PREX2: variants seen among roughly 807,000 people sequenced by gnomAD.
PREX2 encodes phosphatidylinositol-3,4,5-trisphosphate dependent Rac exchange factor 2.
Under a neutral mutation model 203.2 loss-of-function variants are expected in PREX2, and 107 were observed. The ratio of observed to expected loss-of-function variants is 0.53; its 90% CI spans 0.45 to 0.62. The LOEUF is 0.62. Ranked by LOEUF, PREX2 falls within the 20% of genes least tolerant of loss-of-function variation. PREX2 has a pLI of 0.00. For synonymous variants in PREX2, 672 were observed against 663.6 expected, an observed-to-expected ratio of 1.01 and a Z score of -0.19; for missense variants, 1,777 against 1,955.9, an observed-to-expected ratio of 0.91 and a Z score of 1.72.
intron 35 of PREX2, among the ~76,000 whole-genome samples, chr8:68,160,159 T>G (rs1321351624): frequency 2.0e-5 from 3 of 152,190 alleles, no homozygotes; most frequent in African/African-American, 7.2e-5. Flanking sequence ...AAGTTTTTTC[T>G]TAGTCCAATG....
intron 33 of PREX2, among the ~76,000 whole-genome samples, chr8:68,140,370 C>T (rs535495040): frequency 1.0e-3 from 159 of 152,110 alleles, no homozygotes; most frequent in African/African-American, 3.6e-3. Flanking sequence ...CTAAAAACAG[C>T]GAAGATAGGA....
At chr8:68,182,309 A>T (rs907421301) in intron 35 of PREX2, among the ~76,000 whole-genome samples, 1 of 152,102 alleles carries the variant, frequency 6.6e-6, no homozygotes, top group African/African-American at 2.4e-5. Flanking sequence ...TGCTATTGTC[A>T]TCACACTTAT....
At chr8:68,115,033 T>C (rs1339507751) in intron 25 of PREX2, among the ~76,000 whole-genome samples, 1 of 142,144 alleles carries the variant, frequency 7.0e-6, no homozygotes. Context: ...TTTTTTTTTT[T>C]TTTTTTTTTT....
At chr8:68,030,730 G>A (rs980704401) in intron 6 of PREX2, 72 bp downstream of exon 6, 58 of 1,433,166 alleles carry the variant, frequency 4.0e-5, no homozygotes, top group South Asian at 9.6e-5. Flanking sequence ...AATTACTGGC[G>A]TTGGATGGAA....
chr8:68,011,092 T>C (rs945433689), intron 1 of PREX2, among the ~76,000 whole-genome samples: 1 of 152,330 alleles, frequency 6.6e-6, no homozygotes, highest in African/African-American at 2.4e-5. Flanking sequence ...GCCAGAGCTA[T>C]CTCTAACAAA....
chr8:68,216,918 C>T (rs1483262772), intron 37 of PREX2, among the ~76,000 whole-genome samples: 1 of 148,462 alleles, frequency 6.7e-6, no homozygotes, highest in African/African-American at 2.5e-5. Flanking sequence ...GCTGAGGATG[C>T]GCCACTGCAC....
intron 1 of PREX2, among the ~76,000 whole-genome samples, chr8:67,970,008 C>A (rs558474983): frequency 1.3e-5 from 2 of 152,270 alleles, no homozygotes; most frequent in East Asian, 3.9e-4. Flanking sequence ...ATTCCTAGTA[C>A]CTTCCATATT....
rs959052600 is a variant in PREX2 at position 68,235,307 on chromosome 8, G to T, written c.*3929G>T. On this transcript the variant is annotated 3_prime_UTR_variant, in exon 40 of 40. Coordinates refer to ENST00000288368, the MANE Select transcript of PREX2 (RefSeq NM_024870.4). ...CGTTTTTAGACTTTATGCACTAGTGGTATTGAAACTAACCTTTAATATTTG... is the reference window on the plus strand; with the variant it reads ...CGTTTTTAGACTTTATGCACTAGTGTTATTGAAACTAACCTTTAATATTTG... 50 of 152,118 alleles carry T rather than the reference G, an allele frequency of 3.3e-4. No individual in the cohort carries two copies. The highest frequency in any genetic ancestry group is 3.4e-3 in the Middle Eastern group (1 of 294). 9.4% of individuals were successfully genotyped at this position (152,118 alleles called of 1,614,324 possible).
chr8:67,977,886 A>G (rs1239522545), intron 1 of PREX2, among the ~76,000 whole-genome samples: 3 of 152,272 alleles, frequency 2.0e-5, no homozygotes, highest in Middle Eastern at 3.4e-3. Flanking sequence ...AACCTGCCCT[A>G]TGCATCTCTT....
rs1259420497 is a variant in PREX2 at position 68,030,556 on chromosome 8, C to T, written c.603C>T (p.Leu201=). The change falls in exon 6 of 40, where the codon CTC becomes CTT. Residue 201 remains leucine (L), a synonymous_variant. Transcript: ENST00000288368. ...HSDYAAVMEA[L]QAMKAVCSNI... ...ACTATGCAGCAGTGATGGAAGCCCT[C>T]CAAGCCATGAAAGCTGTCTGTTCCA... The T allele has an allele frequency of 3.1e-6, 5 of 1,613,650 alleles. No individual in the cohort carries two copies. The highest frequency in any genetic ancestry group is 1.7e-5 in the Admixed American group (1 of 59,972).
chr8:68,049,379 C>A (rs1808454942), intron 8 of PREX2, among the ~76,000 whole-genome samples: 1 of 151,924 alleles, frequency 6.6e-6, no homozygotes, highest in Non-Finnish European at 1.5e-5. Context: ...GCAATTTCTT[C>A]TGTTTCTTAG....
intron 1 of PREX2, among the ~76,000 whole-genome samples, chr8:67,997,784 A>G (rs2129609648): frequency 6.6e-6 from 1 of 152,246 alleles, no homozygotes; most frequent in South Asian, 2.1e-4. Context: ...ATCTTAAAAT[A>G]TATATTGTCA....
At chr8:68,143,211 G>A (rs780458394) in intron 33 of PREX2, among the ~76,000 whole-genome samples, 10 of 152,068 alleles carry the variant, frequency 6.6e-5, no homozygotes, top group Non-Finnish European at 1.2e-4. Context: ...ATGGGGCCTG[G>A]TGGAGGTGAT....
intron 1 of PREX2, among the ~76,000 whole-genome samples, chr8:67,989,442 T>C (rs1356832322): frequency 6.6e-6 from 1 of 152,212 alleles, no homozygotes; most frequent in African/African-American, 2.4e-5. Flanking sequence ...ATACCATTTA[T>C]CTTCTCAACA....
intron 21 of PREX2, among the ~76,000 whole-genome samples, chr8:68,096,626 A>C (rs1332683696): frequency 6.6e-6 from 1 of 151,990 alleles, no homozygotes; most frequent in Non-Finnish European, 1.5e-5. Context: ...TTCTTTATGG[A>C]TTTTTTTCCT....
At chr8:68,134,012 A>G (rs1004465117) in intron 31 of PREX2, 47 bp from the exon 32 acceptor site, 10 of 1,490,070 alleles carry the variant, frequency 6.7e-6, no homozygotes, top group Non-Finnish European at 9.4e-6. Flanking sequence ...GGTTTTCACC[A>G]TCTGCAACAT....
intron 1 of PREX2, among the ~76,000 whole-genome samples, chr8:67,952,891 C>T (rs1300961192): frequency 6.6e-6 from 1 of 152,150 alleles, no homozygotes; most frequent in African/African-American, 2.4e-5. Context: ...ATTGATTTTC[C>T]TTCTTGTTCT....
chr8:68,161,740 G>A (rs964797974), intron 35 of PREX2, among the ~76,000 whole-genome samples: 4 of 150,846 alleles, frequency 2.7e-5, no homozygotes, highest in African/African-American at 9.7e-5. Context: ...TCTTTACATC[G>A]TATTTTCTTT....
rs945705995 is a variant in PREX2, at chr8:68,138,311, A to G, written c.3985-104A>G. On this transcript the variant is annotated intron_variant, in intron 32 of 39. Coordinates refer to ENST00000288368, the MANE Select transcript of PREX2 (RefSeq NM_024870.4). ...AATTTTGTTTTGTACCTGTATATAAATAAAACACAGCAAAGTTGTTTTGGT... is the reference window on the plus strand; with the variant it reads ...AATTTTGTTTTGTACCTGTATATAAGTAAAACACAGCAAAGTTGTTTTGGT... 1.9e-5 allele frequency: 10 copies of G among 522,260 alleles called. No individual in the cohort carries two copies. The African/African-American group carries it at 2.0e-4, about 10-fold the overall frequency. The allele number at this position is 522,260 out of a possible 1,614,324, so 32.4% of individuals were successfully genotyped here.
Sources: allele counts gnomAD v4.1 joint callset (sites outside exome capture counted in the v4.1 genomes callset), GRCh38; gene constraint gnomAD v4.1.1; transcripts MANE v1.5; gene names NCBI Gene and HGNC (gene_info 2026-07-23, HGNC 2026-07-21).